PITPNM3: variants seen among roughly 807,000 people sequenced by gnomAD.
The protein encoded by PITPNM3 is membrane-associated phosphatidylinositol transfer protein 3.
PITPNM3 carries 26 observed loss-of-function variants against 102.0 expected under a neutral mutation model. That is an observed-to-expected ratio of 0.25 (90% CI 0.19 to 0.35). The LOEUF (loss-of-function observed/expected upper bound fraction) is 0.35, where lower values mean the gene tolerates loss of function less well. PITPNM3 is among the 10% of genes least tolerant of loss of function. The pLI, the probability that PITPNM3 is intolerant of heterozygous loss-of-function variation, is 1.00. For synonymous variants in PITPNM3, 578 were observed against 558.6 expected, an observed-to-expected ratio of 1.03 and a Z score of -0.49; for missense variants, 1,083 against 1,346.1, an observed-to-expected ratio of 0.80 and a Z score of 3.06.
chr17:6,490,091 C>G (rs1245213601), intron 4 of PITPNM3, among the ~76,000 whole-genome samples: 2 of 152,146 alleles, frequency 1.3e-5, no homozygotes, highest in Admixed American at 6.5e-5. Context: ...AAAGGCTTTG[C>G]TATTTTGCTG....
Position 6,454,479 on chromosome 17 carries a change from G to C in PITPNM3, c.*859C>G, listed in dbSNP as rs1913992949. ...TGGGCCAAACTGCAGGACATCTTGG[G>C]AGTCAAAGACTCACACCAATCTCAG... On this transcript the variant is annotated 3_prime_UTR_variant, in exon 20 of 20. Coordinates refer to ENST00000262483, the MANE Select transcript of PITPNM3 (RefSeq NM_031220.4). 6.6e-6 allele frequency: 1 copy of C among 152,282 alleles called. No individual in the cohort carries two copies. The highest frequency in any genetic ancestry group is 1.5e-5 in the Non-Finnish European group (1 of 68,110). 9.4% of individuals were successfully genotyped at this position (152,282 alleles called of 1,614,324 possible).
rs1280031186 is a variant in PITPNM3, at chr17:6,468,494, C to T, written c.1774-153G>A. The stretch of plus-strand genomic sequence containing the variant: ...GGAACCGTCAGGAGGCCGCAGACCC[C>T]GGGACCTGCATTCCTGTCCTGATAG... On this transcript the variant is annotated intron_variant, in intron 13 of 19. Transcript: ENST00000262483. The surrounding 1 kb of genome is among the most constrained non-coding windows in gnomAD (Gnocchi z 5.2). Among the ~76,000 whole-genome samples the T allele has an allele frequency of 1.3e-5, 2 of 152,156 alleles. No individual in the cohort carries two copies. Among genetic ancestry groups the T allele is most frequent in the African/African-American group, 2.4e-5 (1 of 41,442 alleles).
At chr17:6,525,155 C>T (rs958629639) in intron 3 of PITPNM3, among the ~76,000 whole-genome samples, 2 of 152,200 alleles carry the variant, frequency 1.3e-5, no homozygotes, top group African/African-American at 4.8e-5. Flanking sequence ...TAGGCTGGAG[C>T]TTTTATGCCA....
At chr17:6,460,762 T>C (rs1354545909) in intron 18 of PITPNM3, 1 of 159,028 alleles carries the variant, frequency 6.3e-6, no homozygotes, top group East Asian at 1.8e-4. Context: ...CTGCTCTAGG[T>C]CAGGGATTCT....
intron 2 of PITPNM3, among the ~76,000 whole-genome samples, chr17:6,531,847 C>T (rs150422638): frequency 1.4e-4 from 21 of 152,254 alleles, no homozygotes; most frequent in African/African-American, 3.6e-4. Flanking sequence ...TCACGCCTGT[C>T]ATCCCAGCAC....
rs55984944 is a variant in PITPNM3 at position 6,451,892 on chromosome 17, C to CACCA, written c.*3445_*3446insTGGT. 1.1e-5 allele frequency: 1 copy of CACCA among 94,446 alleles called. No individual in the cohort carries two copies. Among genetic ancestry groups the CACCA allele is most frequent in the Non-Finnish European group, 2.2e-5 (1 of 46,070 alleles). 5.9% of individuals were successfully genotyped at this position (94,446 alleles called of 1,614,324 possible). On this transcript the variant is annotated 3_prime_UTR_variant, in exon 20 of 20. Coordinates refer to ENST00000262483, the MANE Select transcript of PITPNM3 (RefSeq NM_031220.4). ...ACCCAAACCCCCCCCCCCCGCCCGC[C>CACCA]GATGGGATTCGGTGGGAAAGTTGGT...
intron 1 of PITPNM3, among the ~76,000 whole-genome samples, chr17:6,548,010 G>A (rs954910168): frequency 2.0e-5 from 3 of 152,188 alleles, no homozygotes; most frequent in African/African-American, 7.2e-5. Context: ...TTACAGGCGT[G>A]AGCCACCACG....
chr17:6,490,371 G>A lies in PITPNM3; in HGVS notation c.275-6079C>T, dbSNP rs576818481. On this transcript the variant is annotated intron_variant, in intron 4 of 19. Transcript: ENST00000262483. ...AAGGAGGGGTTTGCCTACATTCCCC[G>A]GTAAGAGTCAGGCAGTCTGAGATTC... Among the ~76,000 whole-genome samples, 5 of 152,176 alleles carry A rather than the reference G, an allele frequency of 3.3e-5. No homozygotes were observed. The East Asian group carries it at 7.7e-4, about 24-fold the overall frequency.
At chr17:6,516,854 A>C (rs1322666151) in intron 3 of PITPNM3, among the ~76,000 whole-genome samples, 1 of 152,106 alleles carries the variant, frequency 6.6e-6, no homozygotes, top group Non-Finnish European at 1.5e-5. Flanking sequence ...ACATGTTGAA[A>C]CCCTGTCTCT....
intron 4 of PITPNM3, among the ~76,000 whole-genome samples, chr17:6,488,641 G>A (rs1176886523): frequency 6.6e-6 from 1 of 152,154 alleles, no homozygotes; most frequent in Non-Finnish European, 1.5e-5. Context: ...TTGCTTCAAA[G>A]TACTCACAGG....
intron 3 of PITPNM3, among the ~76,000 whole-genome samples, chr17:6,509,440 C>T (rs905370520): frequency 6.6e-6 from 1 of 152,202 alleles, no homozygotes; most frequent in Non-Finnish European, 1.5e-5. Context: ...GGGAATTCTC[C>T]TGATAAACCA....
chr17:6,518,146 C>G lies in PITPNM3; in HGVS notation c.226+7210G>C, dbSNP rs77407172. On this transcript the variant is annotated intron_variant, in intron 3 of 19. Transcript: ENST00000262483. ...GATATCACGTTAGGGTCACATTGTCCGATCATAGTGGAATCAAATTGCTAA... is the reference window on the plus strand; with the variant it reads ...GATATCACGTTAGGGTCACATTGTCGGATCATAGTGGAATCAAATTGCTAA... Among the ~76,000 whole-genome samples, 1,391 of 152,158 alleles carry G rather than the reference C, an allele frequency of 9.1e-3. 30 individuals are homozygous for G. The highest frequency in any genetic ancestry group is 0.031 in the African/African-American group (1,303 of 41,516).
Position 6,483,628 on chromosome 17 carries a change from G to C in PITPNM3, c.476C>G (p.Ser159Cys). 6.2e-7 allele frequency: 1 copy of C among 1,614,114 alleles called. No individual in the cohort carries two copies. Among genetic ancestry groups the C allele is most frequent in the Non-Finnish European group, 8.5e-7 (1 of 1,180,032 alleles). Residue 159 changes from serine (S) to cysteine (C), a missense_variant, in exon 6 of 20, where the codon TCC becomes TGC. By Grantham distance (112) the Ser-to-Cys change is moderately radical (BLOSUM62 -1). This residue lies in a region of PITPNM3 where 290 missense variants were observed against 337.8 expected (regional missense o/e 0.86). Coordinates refer to ENST00000262483, the MANE Select transcript of PITPNM3 (RefSeq NM_031220.4). ...CKAADIHTFS[S>C]VLEKVTRAHF... is the part of the protein sequence containing the mutation. ...GGCTCGTGTGACCTTCTCCAGCACG[G>C]AGCTGAAGGTGTGGATGTCGGCTGC...
At chr17:6,464,497 C>T (rs1367166791) in intron 15 of PITPNM3, among the ~76,000 whole-genome samples, 158 bp downstream of exon 15, 1 of 152,176 alleles carries the variant, frequency 6.6e-6, no homozygotes, top group Non-Finnish European at 1.5e-5. Context: ...CTTGCTCACC[C>T]TTCCCGGCCC....
intron 1 of PITPNM3, among the ~76,000 whole-genome samples, chr17:6,540,183 G>T (rs1340243558): frequency 6.6e-6 from 1 of 152,194 alleles, no homozygotes; most frequent in Admixed American, 6.5e-5. Context: ...GAAAAGGAAG[G>T]GGCTGGTAGG....
rs369309912 is a variant in PITPNM3 at position 6,478,130 on chromosome 17, C to A, written c.778-33G>T. 405 of 1,611,332 alleles carry A rather than the reference C, an allele frequency of 2.5e-4. 1 individual carries two copies. Among genetic ancestry groups the A allele is most frequent in the South Asian group, 1.3e-3 (117 of 91,084 alleles). ...AGATGCAGCTGGGACTGCAGGCCTG[C>A]CCACTGCTGACCCCTCACCCCCACA... On this transcript the variant is annotated intron_variant, in intron 7 of 19. Transcript: ENST00000262483. This position sits in a 1 kb window ranked among gnomAD's most constrained non-coding sequence, Gnocchi z 4.4.
Position 6,455,207 on chromosome 17 carries a change from G to C in PITPNM3, c.*131C>G, listed in dbSNP as rs1914032267. 8.2e-7 allele frequency: 1 copy of C among 1,219,494 alleles called. No homozygotes were observed. The highest frequency in any genetic ancestry group is 1.1e-6 in the Non-Finnish European group (1 of 906,308). 75.5% of individuals were successfully genotyped at this position (1,219,494 alleles called of 1,614,324 possible). ...GGCAGGATCCCTCCCCGCTCTGGTC[G>C]GACACTGCTGGACAGACACGGGAGG... On this transcript the variant is annotated 3_prime_UTR_variant, in exon 20 of 20. Transcript: ENST00000262483.
chr17:6,521,013 GCA>G (rs1324000980), intron 3 of PITPNM3: 1 of 152,400 alleles, frequency 6.6e-6, no homozygotes, highest in Non-Finnish European at 1.5e-5. Context: ...TGTTTGACGG[GCA>G]CAGTTTCAGT....
chr17:6,467,068 AAAAAAAAAAAACC>A (rs1904813263), intron 14 of PITPNM3, among the ~76,000 whole-genome samples: 1 of 28,232 alleles, frequency 3.5e-5, no homozygotes, highest in African/African-American at 9.4e-5. Flanking sequence ...GTCTCAAAAC[AAAAAAAAAAAACC>A]AAAAAAAAAA....
Sources: gnomAD v4.1 joint callset for allele counts (sites outside exome capture counted in the v4.1 genomes callset) on GRCh38, gnomAD v4.1.1 for gene constraint, gnomAD v4.1.1 regional missense constraint, Gnocchi (gnomAD v3.1) non-coding constraint, MANE v1.5 for transcripts, NCBI Gene and HGNC (gene_info 2026-07-23, HGNC 2026-07-21) for gene names.